Variants in SYNE2 observed in about 807,000 individuals in gnomAD.
SYNE2 encodes spectrin repeat containing nuclear envelope protein 2.
In SYNE2, 431 loss-of-function variants were observed where a neutral mutation model predicts 856.3. That is an observed-to-expected ratio of 0.50 (90% confidence interval 0.47 to 0.55). SYNE2 has a LOEUF of 0.55. Ranked by LOEUF, SYNE2 falls within the 20% of genes least tolerant of loss-of-function variation. The pLI, the probability that SYNE2 is intolerant of heterozygous loss-of-function variation, is 0.00. For missense variants in SYNE2, 8,129 were observed against 8,023.2 expected, an observed-to-expected ratio of 1.01 and a Z score of -0.50; for synonymous variants, 2,923 against 2,872.3, an observed-to-expected ratio of 1.02 and a Z score of -0.56.
chr14:64,203,887 T>C lies in SYNE2; in HGVS notation c.18201+924T>C, dbSNP rs570478438. 2.0e-5 allele frequency among the ~76,000 whole-genome samples: 3 copies of C among 152,260 alleles called. No homozygotes were observed. The South Asian group carries it at 6.2e-4, about 32-fold the overall frequency. ...CAGATTTAATATTTGATACTACTGT[T>C]GACATTTTTTTAAGAGATGGAGTCT... On this transcript the variant is annotated intron_variant, in intron 100 of 115. Transcript: ENST00000555002.
intron 82 of SYNE2, among the ~76,000 whole-genome samples, 177 bp downstream of exon 82, chr14:64,142,265 A>C (rs970517907): frequency 6.6e-6 from 1 of 152,120 alleles, no homozygotes; most frequent in Non-Finnish European, 1.5e-5. Flanking sequence ...TGTTCCACTT[A>C]AATTCCTTTT....
Position 64,137,894 on chromosome 14 carries a change from C to A in SYNE2, c.14754C>A (p.Ile4918=), listed in dbSNP as rs151173272. 1 of 1,614,056 alleles carries A rather than the reference C, an allele frequency of 6.2e-7. No homozygotes were observed. Among genetic ancestry groups the A allele is most frequent in the Non-Finnish European group, 8.5e-7 (1 of 1,180,040 alleles). ...SVSCPELEGQ[I]AKLEEQWLSL... ...GCTGTCCTGAATTAGAGGGCCAGAT[C>A]GCAAAACTGGAAGAGCAGTGGTTGT... The change falls in exon 79 of 116, where the codon ATC becomes ATA. Residue 4918 remains isoleucine, a synonymous_variant. Transcript: ENST00000555002.
Position 63,967,748 on chromosome 14 carries a change from A to C in SYNE2, c.1030A>C (p.Lys344Gln), listed in dbSNP as rs2096414449. The change falls in exon 11 of 116, where the codon AAG becomes CAG. Residue 344 changes from lysine to glutamine, a missense_variant. Physicochemically the swap from Lys to Gln is moderately conservative, Grantham distance 53. Around this residue, in one of 3 missense-constraint regions of SYNE2, gnomAD observed 2,422 missense variants for 2,357.4 expected, o/e 1.03. Transcript: ENST00000555002. ...TATGGAGTCATTCAATGAAGAAAAA[A>C]AGTCCTTTTTGGATGTCCTGTCAAT... The part of the protein sequence containing the change: ...SFMESFNEEK[K>Q]SFLDVLSIKR... 3 of 1,614,070 alleles carry C rather than the reference A, an allele frequency of 1.9e-6. No homozygotes were observed. Among genetic ancestry groups the C allele is most frequent in the Non-Finnish European group, 8.5e-7 (1 of 1,180,000 alleles).
chr14:64,065,639 G>T lies in SYNE2; in HGVS notation c.10420G>T (p.Val3474Phe). Residue 3474 changes from valine to phenylalanine, a missense_variant, in exon 51 of 116, where the codon GTC becomes TTC. This residue lies in a region of SYNE2 where 5,410 missense variants were observed against 5,284.8 expected (regional missense o/e 1.02). Transcript: ENST00000555002. ...AGAACTGAAGCAGGAATGGAAATTT[G>T]TCAGTGAAGAAGTGAGTGCTTCATT... is the stretch of plus-strand genomic sequence containing the variant. ...CEELKQEWKF[V>F]SEEIEREAII... 2 of 1,614,138 alleles carry T rather than the reference G, an allele frequency of 1.2e-6. No homozygotes were observed. Among genetic ancestry groups the T allele is most frequent in the Non-Finnish European group, 1.7e-6 (2 of 1,180,020 alleles).
chr14:64,030,137 CT>C, intron 44 of SYNE2, 78 bp downstream of exon 44: 1 of 1,424,648 alleles, frequency 7.0e-7, no homozygotes, highest in South Asian at 1.2e-5. Flanking sequence ...AATCAGTGTC[CT>C]CTGTCAGAAA....
intron 1 of SYNE2, among the ~76,000 whole-genome samples, chr14:63,802,618 GA>G (rs1388611729): frequency 1.3e-5 from 2 of 152,228 alleles, no homozygotes; most frequent in Admixed American, 6.5e-5. Context: ...TCTGTGCCCG[GA>G]ATTGGTGGGT....
At chr14:64,013,571 C>T (rs932160028) in intron 32 of SYNE2, among the ~76,000 whole-genome samples, 1 of 152,198 alleles carries the variant, frequency 6.6e-6, no homozygotes, top group African/African-American at 2.4e-5. Context: ...ATAAGTGAGA[C>T]CATGCGGCAT....
At chr14:63,793,677 C>T (rs1266216127) in intron 1 of SYNE2, among the ~76,000 whole-genome samples, 1 of 152,088 alleles carries the variant, frequency 6.6e-6, no homozygotes, top group Non-Finnish European at 1.5e-5. Context: ...TGGCTCATGC[C>T]TATAATCCCA....
intron 99 of SYNE2, among the ~76,000 whole-genome samples, chr14:64,199,713 C>G (rs1449794671): frequency 1.5e-5 from 1 of 66,060 alleles, no homozygotes; most frequent in African/African-American, 5.8e-5. Flanking sequence ...GACTCTGTCT[C>G]AAAAAAAAAA....
chr14:64,000,164 A>C (rs1258081534), intron 27 of SYNE2, among the ~76,000 whole-genome samples: 1 of 152,240 alleles, frequency 6.6e-6, no homozygotes, highest in Non-Finnish European at 1.5e-5. Flanking sequence ...CTTCTTATTT[A>C]TGTAGAAACA....
chr14:64,219,423 T>G lies in SYNE2; in HGVS notation c.19860+13T>G, dbSNP rs772668554. 13 of 1,612,642 alleles carry G rather than the reference T, an allele frequency of 8.1e-6. No individual in the cohort carries two copies. The African/African-American group carries it at 1.7e-4, about 22-fold the overall frequency. The stretch of plus-strand genomic sequence containing the variant: ...GAAGAGACTGCAGGTGAGTTAGAGG[T>G]GTGGTGGGGAAGAGGGATTCAGAAT... On this transcript the variant is annotated intron_variant, in intron 110 of 115. Coordinates refer to ENST00000555002, the MANE Select transcript of SYNE2 (RefSeq NM_182914.3).
chr14:63,885,800 C>T (rs952417714), intron 1 of SYNE2, among the ~76,000 whole-genome samples: 2 of 152,152 alleles, frequency 1.3e-5, no homozygotes, highest in Non-Finnish European at 2.9e-5. Flanking sequence ...TATACGCATT[C>T]AACAATATTC....
intron 1 of SYNE2, among the ~76,000 whole-genome samples, chr14:63,786,484 T>A (rs1016766217): frequency 5.3e-5 from 8 of 152,216 alleles, no homozygotes; most frequent in African/African-American, 1.9e-4. Flanking sequence ...ATAACTACTT[T>A]CATCATTTAT....
At chr14:64,019,505 A>G (rs17101565) in intron 34 of SYNE2, among the ~76,000 whole-genome samples, 4,122 of 152,284 alleles carry the variant, frequency 0.027, 167 homozygotes, top group African/African-American at 0.093. Context: ...GTATTAAGTG[A>G]AACTATGATT....
intron 45 of SYNE2, among the ~76,000 whole-genome samples, chr14:64,037,802 G>A (rs1406756968): frequency 2.8e-5 from 4 of 143,856 alleles, no homozygotes; most frequent in African/African-American, 5.1e-5. Flanking sequence ...GGGCAGAGGC[G>A]CCCCTCACCT....
At chr14:63,954,673 C>T (rs765789486) in intron 7 of SYNE2, 46 bp from the exon 8 acceptor site, 3 of 1,559,068 alleles carry the variant, frequency 1.9e-6, no homozygotes, top group Middle Eastern at 1.7e-4. Flanking sequence ...GGGGGTGTTA[C>T]GTTCTTTTTA....
intron 1 of SYNE2, among the ~76,000 whole-genome samples, chr14:63,762,766 G>A (rs1457785983): frequency 2.0e-5 from 3 of 151,680 alleles, no homozygotes; most frequent in African/African-American, 4.8e-5. Flanking sequence ...GGACAAACAC[G>A]CTGAACTATT....
chr14:64,190,942 G>C (rs1211266024), intron 99 of SYNE2: 1 of 701,658 alleles, frequency 1.4e-6, no homozygotes, highest in Non-Finnish European at 2.6e-6. Flanking sequence ...TGTTTTTTCA[G>C]TGGCCACGTG....
chr14:63,931,979 G>T (rs1311283486), intron 2 of SYNE2, among the ~76,000 whole-genome samples: 1 of 152,154 alleles, frequency 6.6e-6, no homozygotes, highest in Non-Finnish European at 1.5e-5. Context: ...AAAAATTTTT[G>T]TAAGCATTAC....
Sources: allele counts gnomAD v4.1 joint callset (sites outside exome capture counted in the v4.1 genomes callset), GRCh38; gene constraint gnomAD v4.1.1; regional missense constraint gnomAD v4.1.1; transcripts MANE v1.5; gene names NCBI Gene and HGNC (gene_info 2026-07-23, HGNC 2026-07-21).